Variants in CSMD2 observed in about 807,000 individuals in gnomAD.
CSMD2 encodes CUB and sushi domain-containing protein 2.
CSMD2 carries 130 observed loss-of-function variants against 398.5 expected under a neutral mutation model. The observed-to-expected ratio is 0.33, with a 90% confidence interval of 0.28 to 0.38. The LOEUF (loss-of-function observed/expected upper bound fraction) is 0.38. CSMD2 is among the 10% of genes least tolerant of loss of function. CSMD2 has a pLI of 1.00. For missense variants in CSMD2, 3,829 were observed against 4,764.9 expected (o/e 0.80, Z 5.78); for synonymous variants, 1,828 against 1,908.5 (o/e 0.96, Z 1.10).
rs146391488 is a variant in CSMD2, at chr1:34,012,598, C to T, written c.517+19996G>A. ...CTGTGACTACAGGCATGCACCACCA[C>T]GCCCGGCTAATGTTTGTAATTTTAT... On this transcript the variant is annotated intron_variant, in intron 3 of 70. Coordinates refer to ENST00000373381, the MANE Select transcript of CSMD2 (RefSeq NM_001281956.2). 7.2e-4 allele frequency among the ~76,000 whole-genome samples: 109 copies of T among 152,226 alleles called. 2 individuals carry two copies. In the East Asian group the frequency reaches 0.015, roughly 21 times the overall value.
At chr1:33,922,765 C>T (rs904214796) in intron 4 of CSMD2, among the ~76,000 whole-genome samples, 1 of 152,148 alleles carries the variant, frequency 6.6e-6, no homozygotes, top group African/African-American at 2.4e-5. Context: ...GGCAGTCCAT[C>T]TAGGTGGCTG....
At chr1:33,767,433 G>C (rs1197148415) in intron 13 of CSMD2, among the ~76,000 whole-genome samples, 1 of 152,140 alleles carries the variant, frequency 6.6e-6, no homozygotes, top group African/African-American at 2.4e-5. Flanking sequence ...ATTGGCCCTT[G>C]AGCTCCAGAT....
intron 5 of CSMD2, among the ~76,000 whole-genome samples, chr1:33,917,573 A>G (rs1643790309): frequency 6.6e-6 from 1 of 152,194 alleles, no homozygotes. Context: ...GCACTTTTTT[A>G]GCAAAGCCAG....
chr1:34,096,028 C>T (rs1247986203), intron 1 of CSMD2, among the ~76,000 whole-genome samples: 14 of 151,868 alleles, frequency 9.2e-5, no homozygotes, highest in African/African-American at 1.9e-4. Context: ...ACTGGCAAAC[C>T]GAATCCAGCA....
At chr1:34,094,046 T>G (rs2148386580) in intron 1 of CSMD2, among the ~76,000 whole-genome samples, 1 of 152,232 alleles carries the variant, frequency 6.6e-6, no homozygotes, top group South Asian at 2.1e-4. Flanking sequence ...TCCATCAGAC[T>G]AACAGCAGAT....
At chr1:33,955,534 G>A (rs920206380) in intron 3 of CSMD2, among the ~76,000 whole-genome samples, 10 of 152,282 alleles carry the variant, frequency 6.6e-5, no homozygotes, top group African/African-American at 2.2e-4. Flanking sequence ...GACAGACCAC[G>A]TTTTGATCTT....
Position 33,692,277 on chromosome 1 carries a change from T to C in CSMD2, c.4052+653A>G, listed in dbSNP as rs138081688. On this transcript the variant is annotated intron_variant, in intron 25 of 70. Coordinates refer to ENST00000373381, the MANE Select transcript of CSMD2 (RefSeq NM_001281956.2). Reference sequence around the variant, plus strand: ...GTTACATTTTGATGGCATACCTATTTTGAAGGAATTTATCTTTTGAAGAAG... The same window carrying C: ...GTTACATTTTGATGGCATACCTATTCTGAAGGAATTTATCTTTTGAAGAAG... Among the ~76,000 whole-genome samples the C allele has an allele frequency of 6.4e-4, 97 of 152,286 alleles. No homozygotes were observed. The East Asian group carries it at 0.014, about 21-fold the overall frequency.
intron 2 of CSMD2, among the ~76,000 whole-genome samples, chr1:34,044,635 T>C (rs1478622217): frequency 2.0e-5 from 3 of 152,170 alleles, no homozygotes; most frequent in African/African-American, 7.2e-5. Context: ...TGCCCCGAGA[T>C]CTGGAGAACC....
intron 10 of CSMD2, among the ~76,000 whole-genome samples, chr1:33,801,288 C>A (rs551935749): frequency 6.6e-6 from 1 of 152,068 alleles, no homozygotes; most frequent in African/African-American, 2.4e-5. Context: ...GGCTCATGTG[C>A]AAATTGGATC....
intron 29 of CSMD2, among the ~76,000 whole-genome samples, chr1:33,645,219 TG>T (rs1317564505): frequency 6.6e-6 from 1 of 152,032 alleles, no homozygotes; most frequent in Non-Finnish European, 1.5e-5. Flanking sequence ...TAATTTTAGC[TG>T]GTAATGCGAC....
At chr1:34,002,189 T>C (rs1047390588) in intron 3 of CSMD2, among the ~76,000 whole-genome samples, 2 of 152,230 alleles carry the variant, frequency 1.3e-5, no homozygotes, top group African/African-American at 4.8e-5. Context: ...TCAAGGGTGA[T>C]GCCCTGAAAA....
At chr1:33,729,450 ATTC>A (rs1379393631) in intron 15 of CSMD2, among the ~76,000 whole-genome samples, 7 of 131,246 alleles carry the variant, frequency 5.3e-5, no homozygotes, top group African/African-American at 1.7e-4. Flanking sequence ...GGAGGGGAGG[ATTC>A]TTTTTTTTTT....
At chr1:33,943,297 T>C (rs1202177327) in intron 3 of CSMD2, among the ~76,000 whole-genome samples, 1 of 152,230 alleles carries the variant, frequency 6.6e-6, no homozygotes, top group African/African-American at 2.4e-5. Context: ...ACGTTTTTTC[T>C]GCCTTCTCTC....
At chr1:33,923,572 T>C (rs1370584018) in intron 4 of CSMD2, among the ~76,000 whole-genome samples, 1 of 152,224 alleles carries the variant, frequency 6.6e-6, no homozygotes, top group Non-Finnish European at 1.5e-5. Flanking sequence ...ACAGTAGGTG[T>C]AATGATCCAT....
At chr1:33,630,591 C>T (rs1293798036) in intron 32 of CSMD2, among the ~76,000 whole-genome samples, 2 of 152,206 alleles carry the variant, frequency 1.3e-5, no homozygotes, top group East Asian at 3.9e-4. Context: ...CGTCTTGCTT[C>T]TCTACCTTAC....
intron 14 of CSMD2, among the ~76,000 whole-genome samples, chr1:33,740,904 C>A (rs546620677): frequency 6.6e-6 from 1 of 152,294 alleles, no homozygotes; most frequent in East Asian, 1.9e-4. Flanking sequence ...CATCTGGGAG[C>A]AAAAGCTCTG....
rs575088238 is a variant in CSMD2, at chr1:33,558,316, G to A, written c.8555-394C>T. 5.9e-5 allele frequency among the ~76,000 whole-genome samples: 9 copies of A among 152,304 alleles called. No individual in the cohort carries two copies. The South Asian group carries it at 6.2e-4, about 11-fold the overall frequency. On this transcript the variant is annotated intron_variant, in intron 54 of 70. Transcript: ENST00000373381. ...AAAGCTTGTCAATTGTAAAACTGAC[G>A]CATTTGAACTGACTTGAACAGGGTT...
chr1:33,888,787 A>T (rs202012292), intron 5 of CSMD2, among the ~76,000 whole-genome samples: 725 of 48,540 alleles, frequency 0.015, 4 homozygotes, highest in Middle Eastern at 0.029. Context: ...GTTGTTGTTG[A>T]GATGGAGTCT....
chr1:33,793,777 T>C (rs961911046), intron 10 of CSMD2, among the ~76,000 whole-genome samples: 4 of 152,072 alleles, frequency 2.6e-5, no homozygotes, highest in African/African-American at 9.6e-5. Flanking sequence ...GGGAGGGTCC[T>C]AGTGATATTT....
Sources: gnomAD v4.1 joint callset for allele counts (sites outside exome capture counted in the v4.1 genomes callset) on GRCh38, gnomAD v4.1.1 for gene constraint, MANE v1.5 for transcripts, NCBI Gene and HGNC (gene_info 2026-07-23, HGNC 2026-07-21) for gene names.